Variants in CARD10 observed in about 807,000 individuals in gnomAD.
The protein encoded by CARD10 is caspase recruitment domain-containing protein 10.
A neutral mutation model predicts 114.6 loss-of-function variants in CARD10; 49 were observed. The observed-to-expected ratio is 0.43, with a 90% confidence interval of 0.34 to 0.54. The LOEUF (loss-of-function observed/expected upper bound fraction) is 0.54, where lower values mean the gene tolerates loss of function less well. CARD10 is among the 20% of genes least tolerant of loss of function. The pLI is 0.03. For missense variants in CARD10, 1,206 were observed against 1,397.2 expected (o/e 0.86, Z 2.18); for synonymous variants, 602 against 593.2 (o/e 1.01, Z -0.21).
intron 11 of CARD10, 39 bp from the exon 12 acceptor site, chr22:37,497,217 C>A (rs771895784): frequency 1.9e-6 from 3 of 1,586,082 alleles, no homozygotes; most frequent in East Asian, 4.5e-5. Context: ...GGAGTCCAAT[C>A]AGTACTTGGA....
Position 37,519,009 on chromosome 22 carries a change from C to G in CARD10, c.192G>C (p.Glu64Asp). 6.3e-7 allele frequency: 1 copy of G among 1,589,906 alleles called. No homozygotes were observed. Among genetic ancestry groups the G allele is most frequent in the Non-Finnish European group, 8.5e-7 (1 of 1,174,508 alleles). ...CRVIDEQDEEEVLSTYRFPCR... is the reference protein window; with the variant it reads ...CRVIDEQDEEDVLSTYRFPCR... ...ACGGGAAGCGGTAGGTGCTCAGCAC[C>G]TCCTCCTCGTCCTGCTCGTCGATGA... The change falls in exon 1 of 20, where the codon GAG becomes GAC. Residue 64 changes from glutamate to aspartate, a missense_variant. Around this residue, in one of 2 missense-constraint regions of CARD10, gnomAD observed 138 missense variants for 218.0 expected, o/e 0.63. Transcript: ENST00000251973. The surrounding 1 kb of genome is among the most constrained non-coding windows in gnomAD (Gnocchi z 4.1).
rs771196273 is a variant in CARD10 at position 37,507,952 on chromosome 22, G to A, written c.1068C>T (p.Tyr356=). 70 of 1,613,982 alleles carry A rather than the reference G, an allele frequency of 4.3e-5. No homozygotes were observed. In the Middle Eastern group the frequency reaches 6.6e-4, roughly 15 times the overall value. The change falls in exon 6 of 20, where the codon TAC becomes TAT. Residue 356 remains tyrosine, a splice_region_variant and synonymous_variant. Transcript: ENST00000251973. ...LQWAEELRDQ[Y]LQEMEDLRLK... ...GCCGCAGGTCTTCCATCTCCTGCAG[G>A]TACTGAGGGTGGCACGGGGCGGGGT... is the stretch of plus-strand genomic sequence containing the variant.
chr22:37,497,245 G>A (rs1393906172), intron 11 of CARD10, 67 bp from the exon 12 acceptor site: 1 of 1,498,190 alleles, frequency 6.7e-7, no homozygotes, highest in South Asian at 1.3e-5. Context: ...CAGCATTCTT[G>A]GAAAACCACA....
Position 37,510,281 on chromosome 22 carries a change from G to A in CARD10, c.840C>T (p.Val280=), listed in dbSNP as rs2145771015. The change falls in exon 4 of 20, where the codon GTC becomes GTT. Residue 280 remains valine, a synonymous_variant. Transcript: ENST00000251973. ...GCTGGTTCTCAGCACGCAGCTCAGA[G>A]ACAAGGTCCACATTGTCTGGCTCCT... ...KEKEPDNVDL[V]SELRAENQRL... 1 of 1,605,362 alleles carries A rather than the reference G, an allele frequency of 6.2e-7. No individual in the cohort carries two copies. Among genetic ancestry groups the A allele is most frequent in the East Asian group, 2.2e-5 (1 of 44,802 alleles).
Position 37,502,617 on chromosome 22 carries a change from A to G in CARD10, c.1772T>C (p.Leu591Pro), listed in dbSNP as rs780110046. 1 of 1,613,872 alleles carries G rather than the reference A, an allele frequency of 6.2e-7. No homozygotes were observed. The highest frequency in any genetic ancestry group is 1.7e-5 in the Admixed American group (1 of 60,006). ...GCTACAGTACCTGTTGAGGAAGTCC[A>G]GGCCACAGCCCCGAGCCAGGAGGCC... ...PEGLLARGCG[L>P]DFLNRSLAIR... The change falls in exon 11 of 20, where the codon CTG becomes CCG. Residue 591 changes from leucine (L) to proline (P), a missense_variant. Physicochemically the swap from Leu to Pro is moderately conservative, Grantham distance 98 (BLOSUM62 -3). Transcript: ENST00000251973.
rs955148603 is a variant in CARD10 at position 37,501,467 on chromosome 22, G to A, written c.1787+1135C>T. ...ACAATGTCTCGCTGAGCCCACTGCC[G>A]GGGGCCAGGTGGGGGCAGGGCCTGG... On this transcript the variant is annotated intron_variant, in intron 11 of 19. Transcript: ENST00000251973. This position sits in a 1 kb window ranked among gnomAD's most constrained non-coding sequence, Gnocchi z 5.4. Among the ~76,000 whole-genome samples, 4 of 152,146 alleles carry A rather than the reference G, an allele frequency of 2.6e-5. No individual in the cohort carries two copies. The highest frequency in any genetic ancestry group is 7.2e-5 in the African/African-American group (3 of 41,418).
chr22:37,518,314 G>A (rs1388523513), intron 1 of CARD10, among the ~76,000 whole-genome samples: 1 of 152,104 alleles, frequency 6.6e-6, no homozygotes, highest in Non-Finnish European at 1.5e-5. Context: ...TGACTCCTGG[G>A]CTCCCAGAGC....
In CARD10 at chr22:37,513,630, C is replaced by G. The variant is rs1409563052; in HGVS notation, c.699+2343G>C. Among the ~76,000 whole-genome samples the G allele has an allele frequency of 3.9e-5, 6 of 152,092 alleles. No individual in the cohort carries two copies. In the East Asian group the frequency reaches 5.8e-4, roughly 15 times the overall value. On this transcript the variant is annotated intron_variant, in intron 3 of 19. Transcript: ENST00000251973. Reference sequence around the variant, plus strand: ...AGGGCTGCAGCCCCTCCCAGTACCCCCAGCCTGCAGCCCTCACGCCGTCCT... The same window carrying G: ...AGGGCTGCAGCCCCTCCCAGTACCCGCAGCCTGCAGCCCTCACGCCGTCCT...
chr22:37,516,389 A>C, intron 2 of CARD10, 91 bp from the exon 3 acceptor site: 2 of 878,756 alleles, frequency 2.3e-6, no homozygotes, highest in Non-Finnish European at 3.4e-6. Context: ...AAACCATAAA[A>C]ACACTAGAGG....
chr22:37,494,284 G>T, intron 15 of CARD10, 96 bp from the exon 16 acceptor site: 1 of 793,338 alleles, frequency 1.3e-6, no homozygotes, highest in Non-Finnish European at 2.0e-6. Context: ...GGGCCCCACT[G>T]CCACTGTGGT....
At chr22:37,511,647 G>T (rs574050498) in intron 3 of CARD10, among the ~76,000 whole-genome samples, 13 of 151,960 alleles carry the variant, frequency 8.6e-5, no homozygotes, top group South Asian at 2.1e-4. Flanking sequence ...CTGTACGGGG[G>T]GGGTGTGAGG....
At chr22:37,504,978 G>C (rs1229270943) in intron 7 of CARD10, among the ~76,000 whole-genome samples, 1 of 152,198 alleles carries the variant, frequency 6.6e-6, no homozygotes, top group Non-Finnish European at 1.5e-5. Flanking sequence ...AAGGTGCCCA[G>C]GGCATGGAAA....
In CARD10 at chr22:37,492,448, T is replaced by G. The variant is rs1922837501; in HGVS notation, c.2738A>C (p.Glu913Ala). 6.3e-7 allele frequency: 1 copy of G among 1,576,550 alleles called. No homozygotes were observed. The highest frequency in any genetic ancestry group is 8.6e-7 in the Non-Finnish European group (1 of 1,160,130). ...CCCAGCACCCACCTTCCCAACAGAC[T>G]CCTGGATGGCCCGGATCCTGCTGCC... ...GLGSRIRAIQ[E>A]SVGKKHCLLE... The change falls in exon 18 of 20, where the codon GAG (glutamate) becomes GCG (alanine). Residue 913 changes from glutamate to alanine, a missense_variant. Physicochemically the swap from Glu to Ala is moderately radical, Grantham distance 107. Transcript: ENST00000251973. This position sits in a 1 kb window ranked among gnomAD's most constrained non-coding sequence, Gnocchi z 5.7.
chr22:37,507,803 G>A (rs1410426752), intron 6 of CARD10, 26 bp downstream of exon 6: 7 of 1,613,688 alleles, frequency 4.3e-6, no homozygotes, highest in Non-Finnish European at 5.9e-6. Flanking sequence ...CTGGCCCAGG[G>A]CCTCGTACAC....
chr22:37,518,898 G>C (rs746953315), intron 1 of CARD10, 68 bp downstream of exon 1: 29 of 1,448,944 alleles, frequency 2.0e-5, no homozygotes, highest in Non-Finnish European at 2.5e-5. Context: ...CGCGCTACAC[G>C]GCTGTGGGCG....
intron 6 of CARD10, among the ~76,000 whole-genome samples, chr22:37,506,773 C>T (rs371344742): frequency 1.0e-3 from 152 of 152,240 alleles, no homozygotes; most frequent in African/African-American, 3.4e-3. Flanking sequence ...GGAGTCAAAC[C>T]CAGCCCACTG....
In CARD10 at chr22:37,492,479, C is replaced by G; in HGVS notation, c.2707G>C (p.Gly903Arg). ...GAPKAQPATP[G>R]LGSRIRAIQE... Reference sequence around the variant, plus strand: ...ATGGCCCGGATCCTGCTGCCTAGCCCAGGGGTGGCAGGCTGAGCCTTGGGG... The same window carrying G: ...ATGGCCCGGATCCTGCTGCCTAGCCGAGGGGTGGCAGGCTGAGCCTTGGGG... The change falls in exon 18 of 20, where the codon GGG (glycine) becomes CGG (arginine). Residue 903 changes from glycine to arginine, a missense_variant. Around this residue, in one of 2 missense-constraint regions of CARD10, gnomAD observed 1,068 missense variants for 1,179.1 expected, o/e 0.91. Coordinates refer to ENST00000251973, the MANE Select transcript of CARD10 (RefSeq NM_014550.4). This position sits in a 1 kb window ranked among gnomAD's most constrained non-coding sequence, Gnocchi z 5.7. 1 of 1,601,696 alleles carries G rather than the reference C, an allele frequency of 6.2e-7. No homozygotes were observed. Among genetic ancestry groups the G allele is most frequent in the Non-Finnish European group, 8.5e-7 (1 of 1,172,868 alleles).
intron 4 of CARD10, chr22:37,508,899 T>C (rs950257541): frequency 1.4e-5 from 19 of 1,332,228 alleles, no homozygotes; most frequent in Non-Finnish European, 2.0e-5. Context: ...GTATCTGGGG[T>C]ACAAGTAAGC....
chr22:37,493,200 CTCTCCCT>C (rs1355622392), intron 16 of CARD10, among the ~76,000 whole-genome samples: 1 of 152,182 alleles, frequency 6.6e-6, no homozygotes, highest in African/African-American at 2.4e-5. Context: ...CCAGCCTCCA[CTCTCCCT>C]TCAGCTGCGT....
Sources: allele counts gnomAD v4.1 joint callset (sites outside exome capture counted in the v4.1 genomes callset), GRCh38; gene constraint gnomAD v4.1.1; regional missense constraint gnomAD v4.1.1; non-coding constraint Gnocchi (gnomAD v3.1); transcripts MANE v1.5; gene names NCBI Gene and HGNC (gene_info 2026-07-23, HGNC 2026-07-21).